Variants in RAD51B observed in about 807,000 individuals in gnomAD.
RAD51B encodes the protein DNA repair protein RAD51 homolog 2.
Under a neutral mutation model 42.2 loss-of-function variants are expected in RAD51B, and 38 were observed. That is an observed-to-expected ratio of 0.90 (90% CI 0.70 to 1.18). RAD51B has a LOEUF of 1.18. Among genes scored for constraint, RAD51B ranks in the 50% most tolerant of loss-of-function variants. The pLI is 0.00. For missense variants in RAD51B, 373 were observed against 400.7 expected (o/e 0.93, Z 0.59); for synonymous variants, 154 against 145.2 (o/e 1.06, Z -0.43).
intron 7 of RAD51B, among the ~76,000 whole-genome samples, chr14:68,245,913 G>A (rs1017494145): frequency 6.6e-6 from 1 of 152,042 alleles, no homozygotes; most frequent in African/African-American, 2.4e-5. Context: ...GTGAAGGAGG[G>A]GAGACAGCAG....
chr14:68,073,403 C>T (rs536708829), intron 7 of RAD51B, among the ~76,000 whole-genome samples: 44 of 152,242 alleles, frequency 2.9e-4, no homozygotes, highest in Middle Eastern at 3.4e-3. Context: ...TTACTCTGAG[C>T]CTTTACTTTC....
At chr14:68,378,574 A>T (rs1241778353) in intron 8 of RAD51B, among the ~76,000 whole-genome samples, 1 of 152,216 alleles carries the variant, frequency 6.6e-6, no homozygotes, top group Non-Finnish European at 1.5e-5. Context: ...CATATACTTT[A>T]ATCTCTAGAT....
intron 10 of RAD51B, among the ~76,000 whole-genome samples, chr14:68,470,269 TC>T (rs1051977886): frequency 6.6e-6 from 1 of 151,988 alleles, no homozygotes; most frequent in Non-Finnish European, 1.5e-5. Context: ...TCTATCCCAC[TC>T]CCCCAAGCTA....
rs573144525 is a variant in RAD51B at position 68,435,500 on chromosome 14, T to G, written c.957+23973T>G. Among the ~76,000 whole-genome samples the G allele has an allele frequency of 2.0e-3, 306 of 151,844 alleles. 3 individuals are homozygous for G. The highest frequency in any genetic ancestry group is 6.8e-3 in the African/African-American group (282 of 41,436). The stretch of plus-strand genomic sequence containing the variant: ...AGTACATGTGGTTTTTGGTTTTTTT[T>G]TTTTTTTTTTGGGAGAACAATTTAT... On this transcript the variant is annotated intron_variant, in intron 9 of 10. Coordinates refer to ENST00000471583, the MANE Select transcript of RAD51B (RefSeq NM_133510.4).
At chr14:68,183,812 G>C (rs1439742443) in intron 7 of RAD51B, among the ~76,000 whole-genome samples, 2 of 152,094 alleles carry the variant, frequency 1.3e-5, no homozygotes, top group African/African-American at 4.8e-5. Flanking sequence ...ACCTGGGTAA[G>C]GCCGGGCGTA....
At chr14:68,166,072 A>G (rs79043099) in intron 7 of RAD51B, among the ~76,000 whole-genome samples, 3,829 of 151,930 alleles carry the variant, frequency 0.025, 127 homozygotes, top group African/African-American at 0.074. Context: ...TGATGATAGT[A>G]TAGGGGAGAG....
intron 10 of RAD51B, among the ~76,000 whole-genome samples, chr14:68,556,599 A>G (rs971096118): frequency 2.6e-5 from 4 of 152,202 alleles, no homozygotes; most frequent in African/African-American, 9.7e-5. Flanking sequence ...CCTGAGGAGC[A>G]AATGTCCCAG....
At chr14:68,137,458 G>C (rs1376223932) in intron 7 of RAD51B, among the ~76,000 whole-genome samples, 1 of 152,076 alleles carries the variant, frequency 6.6e-6, no homozygotes, top group Non-Finnish European at 1.5e-5. Context: ...GACTACAAAA[G>C]CTAATACACT....
At chr14:67,924,644 CA>C (rs1273194967) in intron 7 of RAD51B, among the ~76,000 whole-genome samples, 6 of 152,184 alleles carry the variant, frequency 3.9e-5, no homozygotes, top group Admixed American at 1.3e-4. Context: ...CATTCACTAT[CA>C]TGAGAACAGC....
At chr14:67,845,256 A>G (rs1594989043) in intron 4 of RAD51B, among the ~76,000 whole-genome samples, 1 of 152,148 alleles carries the variant, frequency 6.6e-6, no homozygotes, top group African/African-American at 2.4e-5. Flanking sequence ...TCCTTTTTAT[A>G]TTTAACACTC....
intron 7 of RAD51B, among the ~76,000 whole-genome samples, chr14:68,168,274 T>C (rs562721285): frequency 1.3e-5 from 2 of 152,168 alleles, no homozygotes; most frequent in African/African-American, 4.8e-5. Context: ...AGCAAAACTT[T>C]TGTACACTGC....
chr14:68,552,083 A>G (rs1245889652), intron 10 of RAD51B, among the ~76,000 whole-genome samples: 1 of 152,208 alleles, frequency 6.6e-6, no homozygotes, highest in Non-Finnish European at 1.5e-5. Flanking sequence ...AGGAAATTTT[A>G]CATCCACATC....
intron 5 of RAD51B, among the ~76,000 whole-genome samples, chr14:67,876,641 G>C (rs147211662): frequency 6.6e-6 from 1 of 152,294 alleles, no homozygotes; most frequent in Non-Finnish European, 1.5e-5. Context: ...TCTTTTAAAA[G>C]AGGAGCACTT....
At chr14:68,546,675 G>A (rs1455325291) in intron 10 of RAD51B, among the ~76,000 whole-genome samples, 2 of 152,142 alleles carry the variant, frequency 1.3e-5, no homozygotes, top group African/African-American at 4.8e-5. Flanking sequence ...CCCCAAAACT[G>A]GAGGAATACC....
intron 8 of RAD51B, among the ~76,000 whole-genome samples, chr14:68,347,591 G>A (rs915071191): frequency 2.6e-5 from 4 of 152,236 alleles, no homozygotes; most frequent in Non-Finnish European, 5.9e-5. Context: ...AGGATTGCTT[G>A]AGCCTGGGAG....
intron 8 of RAD51B, among the ~76,000 whole-genome samples, chr14:68,382,402 G>A (rs192849784): frequency 4.5e-4 from 69 of 152,260 alleles, no homozygotes; most frequent in African/African-American, 1.4e-3. Flanking sequence ...TGACATCAGC[G>A]CCATAAGATA....
At chr14:68,616,069 A>G (rs925833307), downstream of RAD51B, among the ~76,000 whole-genome samples, 1 of 152,122 alleles carries the variant, frequency 6.6e-6, no homozygotes, top group East Asian at 1.9e-4. Context: ...TTTTAGCTAC[A>G]TGCTCTTGTC....
At chr14:68,446,619 A>G (rs1367129925) in intron 9 of RAD51B, among the ~76,000 whole-genome samples, 1 of 152,188 alleles carries the variant, frequency 6.6e-6, no homozygotes, top group African/African-American at 2.4e-5. Context: ...AGAGTTGCTA[A>G]ATTGGTAGGA....
intron 8 of RAD51B, among the ~76,000 whole-genome samples, chr14:68,377,576 C>T (rs1326246324): frequency 2.0e-5 from 3 of 152,226 alleles, no homozygotes; most frequent in Non-Finnish European, 2.9e-5. Flanking sequence ...ATCAGCCACA[C>T]CCACATCACT....
Sources: gnomAD v4.1 joint callset for allele counts (sites outside exome capture counted in the v4.1 genomes callset) on GRCh38, gnomAD v4.1.1 for gene constraint, MANE v1.5 for transcripts, NCBI Gene and HGNC (gene_info 2026-07-23, HGNC 2026-07-21) for gene names.